Variants in PRLR observed in about 807,000 individuals in gnomAD.
The protein encoded by PRLR is prolactin receptor, also known as hPRL receptor.
PRLR carries 13 observed loss-of-function variants against 40.2 expected under a neutral mutation model. The observed-to-expected ratio is 0.32, with a 90% CI of 0.21 to 0.51. The LOEUF is 0.51. PRLR is among the 20% of genes least tolerant of loss of function. PRLR has a pLI of 0.97. For synonymous variants in PRLR, 269 were observed against 278.7 expected (o/e 0.97, Z 0.35); for missense variants, 656 against 747.3 (o/e 0.88, Z 1.42).
intron 2 of PRLR, 47 bp from the exon 3 acceptor site, chr5:35,089,710 C>T (rs1290623911): frequency 8.5e-7 from 1 of 1,169,798 alleles, no homozygotes; most frequent in African/African-American, 1.5e-5. Flanking sequence ...GCAGTCTGGT[C>T]AGGCACATCC....
intron 5 of PRLR, among the ~76,000 whole-genome samples, chr5:35,072,954 A>G (rs1769847784): frequency 6.6e-6 from 1 of 152,224 alleles, no homozygotes; most frequent in African/African-American, 2.4e-5. Flanking sequence ...CATGGTAAGA[A>G]TAATAAGCAG....
chr5:35,155,021 A>C (rs140221314), intron 1 of PRLR, among the ~76,000 whole-genome samples: 2,388 of 152,218 alleles, frequency 0.016, 74 homozygotes, highest in African/African-American at 0.055. Context: ...GGCACCAGGA[A>C]GAATAGCTAA....
rs922152645 is a variant in PRLR, at chr5:35,064,397, G to C, written c.*692C>G. ...AAAGGGATTCACATGAAATTCATTT[G>C]CCCCTTGTGTAAGAACATTTTTATT... On this transcript the variant is annotated 3_prime_UTR_variant, in exon 10 of 10. Transcript: ENST00000618457. 1 of 152,314 alleles carries C rather than the reference G, an allele frequency of 6.6e-6. No individual in the cohort carries two copies. The highest frequency in any genetic ancestry group is 1.9e-4 in the East Asian group (1 of 5,186). 9.4% of individuals were successfully genotyped at this position (152,314 alleles called of 1,614,324 possible). A position where few individuals can be genotyped will look rare whatever the true frequency, so the allele number is the denominator to read the frequency against.
At chr5:35,168,459 A>G (rs1287986555) in intron 1 of PRLR, among the ~76,000 whole-genome samples, 2 of 152,080 alleles carry the variant, frequency 1.3e-5, no homozygotes, top group Non-Finnish European at 2.9e-5. Flanking sequence ...GAATCATAAC[A>G]TTGTTTCAGC....
chr5:35,218,121 T>A (rs953652775), intron 1 of PRLR, among the ~76,000 whole-genome samples: 10 of 152,232 alleles, frequency 6.6e-5, no homozygotes, highest in Admixed American at 2.0e-4. Flanking sequence ...AATTCACTGA[T>A]GTTGCCACTG....
chr5:35,055,159 A>T (rs1768650769), downstream of PRLR, among the ~76,000 whole-genome samples: 1 of 152,232 alleles, frequency 6.6e-6, no homozygotes, highest in Non-Finnish European at 1.5e-5. Flanking sequence ...AGACTGAATA[A>T]TTCCAGTCAG....
intron 1 of PRLR, among the ~76,000 whole-genome samples, chr5:35,131,621 G>A (rs1261207859): frequency 2.6e-5 from 4 of 152,158 alleles, no homozygotes; most frequent in African/African-American, 9.7e-5. Context: ...GGGACGGGCT[G>A]GGGTTCAGAT....
downstream of PRLR, among the ~76,000 whole-genome samples, chr5:35,053,481 C>T (rs1199614014): frequency 3.3e-5 from 5 of 152,088 alleles, no homozygotes; most frequent in East Asian, 1.9e-4. Context: ...GGCAAAACCT[C>T]GTCTCTACTA....
At position 35,216,673 on chromosome 5, in the gene PRLR, A is replaced by C. The variant is rs527944863; in HGVS notation, c.-106+13595T>G. On this transcript the variant is annotated intron_variant, in intron 1 of 9. Coordinates refer to ENST00000618457, the MANE Select transcript of PRLR (RefSeq NM_000949.7). ...GTTTTGAGTCCAGACCTATATAGGT[A>C]ATTAGAAAACTTTCATTTCTTTAGG... Among the ~76,000 whole-genome samples the C allele has an allele frequency of 2.0e-5, 3 of 152,356 alleles. No homozygotes were observed. In the South Asian group the frequency reaches 6.2e-4, roughly 32 times the overall value.
intron 5 of PRLR, among the ~76,000 whole-genome samples, chr5:35,080,198 T>C (rs942989784): frequency 1.3e-5 from 2 of 152,194 alleles, no homozygotes; most frequent in Non-Finnish European, 2.9e-5. Context: ...TGGGATCTAA[T>C]TAAACTAAAG....
At chr5:35,175,893 G>C (rs193130181) in intron 1 of PRLR, among the ~76,000 whole-genome samples, 5 of 152,244 alleles carry the variant, frequency 3.3e-5, no homozygotes, top group African/African-American at 4.8e-5. Flanking sequence ...AGGCCAAAGG[G>C]GGAAAGGATC....
At position 35,065,413 on chromosome 5, in the gene PRLR, G is replaced by A. The variant is rs1306370163; in HGVS notation, c.1545C>T (p.Val515=). 11 of 1,613,968 alleles carry A rather than the reference G, an allele frequency of 6.8e-6. No individual in the cohort carries two copies. The highest frequency in any genetic ancestry group is 5.0e-5 in the Admixed American group (3 of 60,000). The change falls in exon 10 of 10, where the codon GTC becomes GTT. Residue 515 remains valine, a synonymous_variant. Coordinates refer to ENST00000618457, the MANE Select transcript of PRLR (RefSeq NM_000949.7). ...KPLDYVEIHK[V]NKDGALSLLP... is the part of the protein sequence containing the mutation. ...GCAATGATAATGCACCATCTTTGTT[G>A]ACCTTGTGAATCTCCACATAATCCA...
chr5:35,203,244 G>A (rs989459257), intron 1 of PRLR, among the ~76,000 whole-genome samples: 1 of 152,190 alleles, frequency 6.6e-6, no homozygotes, highest in South Asian at 2.1e-4. Context: ...CAGTAGAGAA[G>A]TGGATGGATT....
chr5:35,150,815 G>A (rs1189082174), intron 1 of PRLR, among the ~76,000 whole-genome samples: 1 of 152,194 alleles, frequency 6.6e-6, no homozygotes, highest in Non-Finnish European at 1.5e-5. Flanking sequence ...AGCTGAAAGA[G>A]ACATTTTCTC....
intron 4 of PRLR, 145 bp downstream of exon 4, chr5:35,086,063 G>T: frequency 1.1e-6 from 1 of 935,262 alleles, no homozygotes; most frequent in Non-Finnish European, 1.6e-6. Context: ...ATGTGGGCAT[G>T]GACCTTAGAC....
At chr5:35,161,973 A>G (rs1774687667) in intron 1 of PRLR, among the ~76,000 whole-genome samples, 1 of 152,214 alleles carries the variant, frequency 6.6e-6, no homozygotes, top group Non-Finnish European at 1.5e-5. Context: ...TTTTAAAGCC[A>G]ATTTTCCAAG....
At chr5:35,128,476 C>G (rs1363360413) in intron 1 of PRLR, among the ~76,000 whole-genome samples, 1 of 151,602 alleles carries the variant, frequency 6.6e-6, no homozygotes, top group Non-Finnish European at 1.5e-5. Flanking sequence ...ATTTGTTACA[C>G]TATATTGTTT....
chr5:35,051,554 G>A (rs1768498835), downstream of PRLR, among the ~76,000 whole-genome samples: 1 of 152,176 alleles, frequency 6.6e-6, no homozygotes, highest in African/African-American at 2.4e-5. Flanking sequence ...CCTGTATGGG[G>A]GAAGAGCTAT....
rs1345850959 is a variant in PRLR, at chr5:35,089,600, A to T, written c.21T>A (p.Ser7=). 2 of 1,614,070 alleles carry T rather than the reference A, an allele frequency of 1.2e-6. No individual in the cohort carries two copies. Among genetic ancestry groups the T allele is most frequent in the Non-Finnish European group, 1.7e-6 (2 of 1,179,988 alleles). The part of the protein sequence containing the change: MKENVA[S]ATVFTLLLFL... ...AAAGTAGCAGAGTGAAAACGGTTGC[A>T]GATGCCACATTTTCCTTCATGTTGG... The change falls in exon 3 of 10, where the codon TCT becomes TCA. Residue 7 remains serine (S), a synonymous_variant. Coordinates refer to ENST00000618457, the MANE Select transcript of PRLR (RefSeq NM_000949.7).
Sources: gnomAD v4.1 joint callset for allele counts (sites outside exome capture counted in the v4.1 genomes callset) on GRCh38, gnomAD v4.1.1 for gene constraint, MANE v1.5 for transcripts, NCBI Gene and HGNC (gene_info 2026-07-23, HGNC 2026-07-21) for gene names.